TASP1: variants seen among roughly 807,000 people sequenced by gnomAD.
The protein encoded by TASP1 is threonine aspartase 1.
TASP1 carries 16 observed loss-of-function variants against 56.6 expected under a neutral mutation model. The ratio of observed to expected loss-of-function variants is 0.28; its 90% confidence interval spans 0.19 to 0.43. The LOEUF (loss-of-function observed/expected upper bound fraction) is 0.43. TASP1 is among the 20% of genes least tolerant of loss of function. The pLI is 1.00. For missense variants in TASP1, 393 were observed against 511.6 expected (o/e 0.77, Z 2.24); for synonymous variants, 179 against 184.2 (o/e 0.97, Z 0.23).
At chr20:13,160,262 T>A in the TASP1 span, 69 of 1,142,858 alleles carry the variant, frequency 6.0e-5, no homozygotes, top group Non-Finnish European at 7.6e-5. Context: ...CTGACAAAAG[T>A]CACTGCCAAA....
chr20:13,211,710 C>A, the TASP1 span, among the ~76,000 whole-genome samples: 1 of 152,126 alleles, frequency 6.6e-6, no homozygotes, highest in African/African-American at 2.4e-5. Context: ...CCATACCAAT[C>A]CTGACTCATT....
At chr20:13,286,661 C>T in the TASP1 span, among the ~76,000 whole-genome samples, 1 of 152,172 alleles carries the variant, frequency 6.6e-6, no homozygotes, top group Non-Finnish European at 1.5e-5. Flanking sequence ...CCACCCCCCA[C>T]CACCCCGCTC....
the TASP1 span, among the ~76,000 whole-genome samples, chr20:13,176,651 T>C: frequency 6.6e-6 from 1 of 152,184 alleles, no homozygotes; most frequent in African/African-American, 2.4e-5. Context: ...TTCAGAGATA[T>C]TGTCCTGTAG....
At chr20:13,604,054 G>T (rs1045683468) in intron 4 of TASP1, among the ~76,000 whole-genome samples, 1 of 152,110 alleles carries the variant, frequency 6.6e-6, no homozygotes, top group Non-Finnish European at 1.5e-5. Flanking sequence ...TTTCCTGTTA[G>T]TAATTTTCCA....
In TASP1 at chr20:13,527,317, C is replaced by A. The variant is rs1017220042; in HGVS notation, c.874+1116G>T. Among the ~76,000 whole-genome samples the A allele has an allele frequency of 8.6e-5, 13 of 151,978 alleles. No homozygotes were observed. The East Asian group carries it at 2.5e-3, about 29-fold the overall frequency. On this transcript the variant is annotated intron_variant, in intron 10 of 13. Transcript: ENST00000337743. ...TGGGTGCTTTGTTAGTGTGGTGGGGCAGAAACCAATGTGATAAGAAATTGG... is the reference window on the plus strand; with the variant it reads ...TGGGTGCTTTGTTAGTGTGGTGGGGAAGAAACCAATGTGATAAGAAATTGG...
chr20:13,557,105 C>G (rs1221795478), intron 8 of TASP1, among the ~76,000 whole-genome samples: 1 of 152,026 alleles, frequency 6.6e-6, no homozygotes, highest in Non-Finnish European at 1.5e-5. Flanking sequence ...TGCAGTGAAA[C>G]TCCTATATAT....
chr20:13,163,883 G>C, the TASP1 span, among the ~76,000 whole-genome samples: 1 of 152,122 alleles, frequency 6.6e-6, no homozygotes, highest in Non-Finnish European at 1.5e-5. Flanking sequence ...TGATATACTA[G>C]AATTGAAAAT....
chr20:13,137,149 A>G, the TASP1 span, among the ~76,000 whole-genome samples: 2 of 152,174 alleles, frequency 1.3e-5, no homozygotes, highest in Admixed American at 6.5e-5. Flanking sequence ...ACTAATTGCT[A>G]TCAGACCAAG....
the TASP1 span, among the ~76,000 whole-genome samples, chr20:13,124,875 AC>A: frequency 2.0e-5 from 3 of 152,170 alleles, no homozygotes; most frequent in African/African-American, 4.8e-5. Flanking sequence ...ACATGAACCT[AC>A]CCCAAAGCAG....
At chr20:13,110,080 G>A in the TASP1 span, 2 of 1,551,890 alleles carry the variant, frequency 1.3e-6, no homozygotes, top group South Asian at 1.2e-5. Flanking sequence ...ACCCTTTCAT[G>A]ACTCAATTTT....
chr20:13,313,191 G>T, the TASP1 span, among the ~76,000 whole-genome samples: 1 of 152,104 alleles, frequency 6.6e-6, no homozygotes, highest in Non-Finnish European at 1.5e-5. Context: ...TAGAACTTTG[G>T]CTTCCATTCC....
At chr20:13,567,227 A>G (rs1310459418) in intron 7 of TASP1, among the ~76,000 whole-genome samples, 2 of 151,956 alleles carry the variant, frequency 1.3e-5, no homozygotes, top group East Asian at 3.9e-4. Flanking sequence ...ATGGAAACAC[A>G]TGGACACACA....
the TASP1 span, among the ~76,000 whole-genome samples, chr20:13,297,015 C>T: frequency 6.6e-6 from 1 of 151,284 alleles, no homozygotes; most frequent in Admixed American, 6.6e-5. Flanking sequence ...GAGACTCCAT[C>T]CACTCACTGC....
chr20:13,256,645 G>GT, the TASP1 span, among the ~76,000 whole-genome samples: 3 of 152,174 alleles, frequency 2.0e-5, no homozygotes, highest in African/African-American at 4.8e-5. Flanking sequence ...GGCAATGGTG[G>GT]TGTTGGTCCT....
At chr20:13,355,345 G>A in the TASP1 span, among the ~76,000 whole-genome samples, 2 of 152,162 alleles carry the variant, frequency 1.3e-5, no homozygotes, top group Non-Finnish European at 2.9e-5. Context: ...TTTAGTTGCT[G>A]AGAGGACTCA....
At chr20:13,269,952 G>GATGGATGGATGGATGT in the TASP1 span, among the ~76,000 whole-genome samples, 1 of 152,010 alleles carries the variant, frequency 6.6e-6, no homozygotes, top group Non-Finnish European at 1.5e-5. Context: ...TGGATGGATG[G>GATGGATGGATGGATGT]ATGGATGGAT....
the TASP1 span, among the ~76,000 whole-genome samples, chr20:13,176,721 C>G: frequency 0.26 from 39,069 of 152,002 alleles, 5,352 homozygotes; most frequent in South Asian, 0.46. Flanking sequence ...AATCTAGGCT[C>G]TACCAGAAAA....
At chr20:13,330,949 C>G in the TASP1 span, among the ~76,000 whole-genome samples, 1 of 151,938 alleles carries the variant, frequency 6.6e-6, no homozygotes, top group Non-Finnish European at 1.5e-5. Context: ...CTCAAAGAAC[C>G]AGCTTTTGGT....
intron 6 of TASP1, among the ~76,000 whole-genome samples, chr20:13,572,895 T>G (rs994956535): frequency 3.3e-5 from 5 of 152,078 alleles, no homozygotes; most frequent in African/African-American, 1.2e-4. Flanking sequence ...AATGTGTAAT[T>G]TAGTGGTTCA....
Sources: gnomAD v4.1 joint callset for allele counts (sites outside exome capture counted in the v4.1 genomes callset) on GRCh38, gnomAD v4.1.1 for gene constraint, MANE v1.5 for transcripts, NCBI Gene and HGNC (gene_info 2026-07-23, HGNC 2026-07-21) for gene names.